The following LCORL variants were observed in gnomAD, a reference collection of about 807,000 sequenced individuals.
The protein encoded by LCORL is ligand dependent nuclear receptor corepressor like, also known as ligand-dependent nuclear receptor corepressor-like protein.
LCORL carries 41 observed loss-of-function variants against 141.8 expected under a neutral mutation model. The observed-to-expected ratio is 0.29, with a 90% confidence interval of 0.23 to 0.38. LCORL has a LOEUF of 0.38. LCORL is among the 10% of genes least tolerant of loss of function. LCORL has a pLI of 1.00. For missense variants in LCORL, 1,759 were observed against 2,035.0 expected (o/e 0.86, Z 2.61); for synonymous variants, 618 against 694.1 (o/e 0.89, Z 1.72).
chr4:17,913,981 G>A (rs1238078428), intron 4 of LCORL, among the ~76,000 whole-genome samples: 2 of 151,858 alleles, frequency 1.3e-5, no homozygotes, highest in Non-Finnish European at 2.9e-5. Context: ...ATTTTTCCAC[G>A]AACTTTTTAA....
chr4:18,010,919 T>G (rs936247744), intron 1 of LCORL, among the ~76,000 whole-genome samples: 3 of 152,158 alleles, frequency 2.0e-5, no homozygotes, highest in Non-Finnish European at 4.4e-5. Flanking sequence ...TGAGGAAGGA[T>G]GCATCAAAAG....
intron 7 of LCORL, among the ~76,000 whole-genome samples, chr4:17,852,288 G>C (rs1314761330): frequency 6.6e-6 from 1 of 152,090 alleles, no homozygotes; most frequent in Non-Finnish European, 1.5e-5. Flanking sequence ...CTTGAGAGTA[G>C]AGTTGGGGGG....
At chr4:17,844,624 G>A (rs1189777061) in exon 8 of LCORL, 1 of 152,354 alleles carries the variant, frequency 6.6e-6, no homozygotes, top group East Asian at 1.9e-4. Context: ...TTGGCTCTGT[G>A]TTCTCCTGTG....
intron 1 of LCORL, among the ~76,000 whole-genome samples, chr4:17,984,927 T>A (rs1345922801): frequency 6.6e-6 from 1 of 152,164 alleles, no homozygotes; most frequent in South Asian, 2.1e-4. Flanking sequence ...CTGTCTTAGT[T>A]GTGCCCCAGA....
intron 1 of LCORL, among the ~76,000 whole-genome samples, chr4:17,994,779 AAAAAAAAATCACAT>A: frequency 6.7e-6 from 1 of 149,910 alleles, no homozygotes; most frequent in South Asian, 2.1e-4. Flanking sequence ...GTAATAGGGA[AAAAAAAAATCACAT>A]AAATGTTAAT....
At chr4:17,896,212 G>C (rs1189590427) in intron 5 of LCORL, among the ~76,000 whole-genome samples, 1 of 152,038 alleles carries the variant, frequency 6.6e-6, no homozygotes, top group African/African-American at 2.4e-5. Flanking sequence ...GTATCTTTTA[G>C]ATTCTAGCCA....
chr4:17,898,509 C>G (rs1730331974), intron 5 of LCORL, among the ~76,000 whole-genome samples: 1 of 152,070 alleles, frequency 6.6e-6, no homozygotes, highest in Admixed American at 6.6e-5. Context: ...TCTTGGTAAC[C>G]ACATTCATTG....
intron 7 of LCORL, among the ~76,000 whole-genome samples, chr4:17,868,976 G>T (rs1209452786): frequency 1.3e-5 from 2 of 151,322 alleles, no homozygotes; most frequent in African/African-American, 4.9e-5. Context: ...CACAGAAAAT[G>T]GACTCTAATA....
Position 17,843,205 on chromosome 4 carries a change from C to T in LCORL, c.*2683G>A. ...ATGGAATCAGGCTATCAATTAAACACTGATAGAATGTGAGTCAGAAACAAA... is the reference window on the plus strand; with the variant it reads ...ATGGAATCAGGCTATCAATTAAACATTGATAGAATGTGAGTCAGAAACAAA... On this transcript the variant is annotated 3_prime_UTR_variant, in exon 8 of 8. Transcript: ENST00000635767. The T allele has an allele frequency of 9.9e-6, 13 of 1,318,560 alleles. No individual in the cohort carries two copies. In the South Asian group the frequency reaches 1.9e-4, roughly 19 times the overall value. 81.7% of individuals were successfully genotyped at this position (1,318,560 alleles called of 1,614,324 possible). A position where few individuals can be genotyped will look rare whatever the true frequency, so the allele number is the denominator to read the frequency against.
At chr4:17,942,816 C>T (rs1738187402) in intron 4 of LCORL, among the ~76,000 whole-genome samples, 1 of 152,102 alleles carries the variant, frequency 6.6e-6, no homozygotes, top group African/African-American at 2.4e-5. Flanking sequence ...CAGTCCATGG[C>T]CTGTAAGGAA....
chr4:17,968,505 A>G (rs1715349709), intron 2 of LCORL, among the ~76,000 whole-genome samples: 1 of 152,228 alleles, frequency 6.6e-6, no homozygotes, highest in Admixed American at 6.5e-5. Flanking sequence ...GTTATTAAAA[A>G]GTAGTTTTGT....
chr4:17,907,401 G>GT (rs1479653097), intron 5 of LCORL, among the ~76,000 whole-genome samples: 2 of 152,158 alleles, frequency 1.3e-5, no homozygotes, highest in African/African-American at 4.8e-5. Context: ...GGTCTGACAG[G>GT]TAACATTACT....
chr4:17,858,174 A>T (rs1361091454), intron 7 of LCORL, among the ~76,000 whole-genome samples: 3 of 152,216 alleles, frequency 2.0e-5, no homozygotes, highest in African/African-American at 7.2e-5. Context: ...TATAAAGAAT[A>T]CTGAATTTGA....
chr4:17,892,173 GC>G (rs1245770296), intron 5 of LCORL, among the ~76,000 whole-genome samples: 1 of 149,470 alleles, frequency 6.7e-6, no homozygotes, highest in African/African-American at 2.5e-5. Context: ...TCCTTCATTT[GC>G]CTACCTCTGC....
rs1243602024 is a variant in LCORL, at chr4:17,896,258, T to A, written c.683-10097A>T. ...ATGTGAAACAATGTCTTTCTTTCTT[T>A]CTTTTCTCCTCTCCTTTCCTTCCCT... is the stretch of plus-strand genomic sequence containing the variant. On this transcript the variant is annotated intron_variant, in intron 5 of 7. Transcript: ENST00000635767. Among the ~76,000 whole-genome samples, 3 of 152,304 alleles carry A rather than the reference T, an allele frequency of 2.0e-5. No individual in the cohort carries two copies. The East Asian group carries it at 5.8e-4, about 29-fold the overall frequency.
At chr4:17,970,959 C>T (rs1715814022) in intron 2 of LCORL, among the ~76,000 whole-genome samples, 1 of 152,074 alleles carries the variant, frequency 6.6e-6, no homozygotes, top group African/African-American at 2.4e-5. Context: ...ACTAGCATTA[C>T]ACATATAATA....
chr4:17,897,213 CTTT>C lies in LCORL; in HGVS notation c.683-11055_683-11053del, dbSNP rs761784734. On this transcript the variant is annotated intron_variant, in intron 5 of 7. Transcript: ENST00000635767. ...AGACTTCTCTTTGATATACTGATTT[CTTT>C]TTTTTTTTTTTTTTTTTTTTTTTTT... Among the ~76,000 whole-genome samples, 633 of 63,972 alleles carry C rather than the reference CTTT, an allele frequency of 9.9e-3. 105 individuals are homozygous for C. The highest frequency in any genetic ancestry group is 0.018 in the African/African-American group (320 of 17,316). 42.0% of individuals were successfully genotyped at this position (63,972 alleles called of 152,430 possible).
chr4:17,941,481 A>G (rs377698722), intron 4 of LCORL, among the ~76,000 whole-genome samples: 1 of 152,036 alleles, frequency 6.6e-6, no homozygotes, highest in Non-Finnish European at 1.5e-5. Context: ...ATCATTGATA[A>G]CCACCATAAC....
intron 7 of LCORL, among the ~76,000 whole-genome samples, chr4:17,857,950 T>C (rs1484914192): frequency 6.6e-6 from 1 of 152,150 alleles, no homozygotes; most frequent in Non-Finnish European, 1.5e-5. Context: ...AAATTCACAA[T>C]GTCTGGCATC....
Sources: allele counts gnomAD v4.1 joint callset (sites outside exome capture counted in the v4.1 genomes callset), GRCh38; gene constraint gnomAD v4.1.1; transcripts MANE v1.5; gene names NCBI Gene and HGNC (gene_info 2026-07-23, HGNC 2026-07-21).